Variants in XKR4 observed in about 807,000 individuals in gnomAD.
The protein encoded by XKR4 is XK related 4.
In XKR4, 12 loss-of-function variants were observed where a neutral mutation model predicts 53.9. The observed-to-expected ratio is 0.22, with a 90% CI of 0.14 to 0.36. XKR4 has a LOEUF of 0.36. Ranked by LOEUF, XKR4 falls within the 10% of genes least tolerant of loss-of-function variation. The probability of loss-of-function intolerance (pLI) is 1.00; values close to 1 mark genes in which losing one functional copy is unlikely to be tolerated. For missense variants in XKR4, 799 were observed against 859.5 expected, an observed-to-expected ratio of 0.93 and a Z score of 0.88; for synonymous variants, 354 against 362.4, an observed-to-expected ratio of 0.98 and a Z score of 0.26.
chr8:55,454,376 A>G, intron 2 of XKR4: 1 of 1,494,790 alleles, frequency 6.7e-7, no homozygotes, highest in Non-Finnish European at 9.3e-7. Context: ...CACATAGGTG[A>G]AGCTGTATCT....
At chr8:55,149,485 A>G (rs552212592) in intron 1 of XKR4, among the ~76,000 whole-genome samples, 1 of 152,324 alleles carries the variant, frequency 6.6e-6, no homozygotes, top group Non-Finnish European at 1.5e-5. Context: ...GTGGGCCTGG[A>G]TGGGGTGGTG....
Position 55,541,011 on chromosome 8 carries a change from T to C in XKR4, c.*16784T>C, listed in dbSNP as rs905330387. The C allele has an allele frequency of 2.0e-5, 3 of 152,200 alleles. No individual in the cohort carries two copies. Among genetic ancestry groups the C allele is most frequent in the South Asian group, 2.1e-4 (1 of 4,830 alleles). 9.4% of individuals were successfully genotyped at this position (152,200 alleles called of 1,614,324 possible). Reference sequence around the variant, plus strand: ...AAACATCGTGCTTAGCATGAAACCATTGCACAATATAAACCTGCTCCCAAA... The same window carrying C: ...AAACATCGTGCTTAGCATGAAACCACTGCACAATATAAACCTGCTCCCAAA... On this transcript the variant is annotated 3_prime_UTR_variant, in exon 3 of 3. Transcript: ENST00000327381.
intron 1 of XKR4, among the ~76,000 whole-genome samples, chr8:55,319,518 C>A (rs1194720820): frequency 6.6e-6 from 1 of 152,072 alleles, no homozygotes; most frequent in Non-Finnish European, 1.5e-5. Context: ...AAAAATGAAG[C>A]AGTTATTTTC....
chr8:55,399,405 G>C (rs142439500), intron 2 of XKR4, among the ~76,000 whole-genome samples: 164 of 152,328 alleles, frequency 1.1e-3, no homozygotes, highest in East Asian at 0.01. Context: ...AGGTTTGTGA[G>C]CTAACTTCTT....
intron 2 of XKR4, among the ~76,000 whole-genome samples, chr8:55,409,006 CAAAAAAA>C (rs36030680): frequency 1.5e-5 from 1 of 65,732 alleles, no homozygotes; most frequent in Non-Finnish European, 3.7e-5. Flanking sequence ...GACTCCGTCT[CAAAAAAA>C]AAAAAAAAAA....
intron 1 of XKR4, among the ~76,000 whole-genome samples, chr8:55,182,302 CACACTTTGGGTGCATTTCTTTTATGGATT>C (rs1191920123): frequency 2.6e-5 from 4 of 151,972 alleles, no homozygotes; most frequent in Non-Finnish European, 5.9e-5. Flanking sequence ...TTTTATGGAT[CACACTTTGGGTGCATTTCTTTTATGGATT>C]ACACTTTGGT....
chr8:55,504,922 A>T (rs547519460), intron 2 of XKR4, among the ~76,000 whole-genome samples: 1 of 152,136 alleles, frequency 6.6e-6, no homozygotes, highest in Non-Finnish European at 1.5e-5. Flanking sequence ...TTTGCTACTG[A>T]TTTTAATAAT....
intron 1 of XKR4, among the ~76,000 whole-genome samples, chr8:55,189,625 C>T (rs1405157554): frequency 6.6e-6 from 1 of 152,184 alleles, no homozygotes; most frequent in Non-Finnish European, 1.5e-5. Context: ...ATCACAATGG[C>T]TAGACTGTCA....
chr8:55,451,032 G>A lies in XKR4; in HGVS notation c.1007-72249G>A, dbSNP rs568807119. 1.2e-3 allele frequency: 643 copies of A among 552,012 alleles called. 5 individuals carry two copies. Among genetic ancestry groups the A allele is most frequent in the African/African-American group, 0.011 (566 of 53,188 alleles). The allele number at this position is 552,012 out of a possible 1,614,324, so 34.2% of individuals were successfully genotyped here. On this transcript the variant is annotated intron_variant, in intron 2 of 2. Transcript: ENST00000327381. ...TTTGAAGCTAGCCTTCACCTGCCGC[G>A]CCTGGAATACCTTAATGGGCACCAG...
Position 55,511,855 on chromosome 8 carries a change from A to G in XKR4, c.1007-11426A>G, listed in dbSNP as rs554503974. Reference sequence around the variant, plus strand: ...ATTTATTCTGTAGCTCGTACCTTTTATTGTATTCTTTCTCTGTCATGCTAT... The same window carrying G: ...ATTTATTCTGTAGCTCGTACCTTTTGTTGTATTCTTTCTCTGTCATGCTAT... On this transcript the variant is annotated intron_variant, in intron 2 of 2. Coordinates refer to ENST00000327381, the MANE Select transcript of XKR4 (RefSeq NM_052898.2). Among the ~76,000 whole-genome samples, 23 of 152,192 alleles carry G rather than the reference A, an allele frequency of 1.5e-4. No individual in the cohort carries two copies. In the East Asian group the frequency reaches 4.3e-3, roughly 28 times the overall value.
intron 2 of XKR4, among the ~76,000 whole-genome samples, chr8:55,425,238 C>A (rs1423582397): frequency 6.6e-6 from 1 of 152,152 alleles, no homozygotes; most frequent in Non-Finnish European, 1.5e-5. Flanking sequence ...AACTAAGATT[C>A]CAGCCTAGAG....
rs1003438569 is a variant in XKR4, at chr8:55,537,129, G to A, written c.*12902G>A. On this transcript the variant is annotated 3_prime_UTR_variant, in exon 3 of 3. Coordinates refer to ENST00000327381, the MANE Select transcript of XKR4 (RefSeq NM_052898.2). ...AACAAAATACCATACATAGTTTTTT[G>A]GGTTTGGTTTGTTGATGTCATGCCA... The A allele has an allele frequency of 6.6e-6, 1 of 152,052 alleles. No homozygotes were observed. Among genetic ancestry groups the A allele is most frequent in the Non-Finnish European group, 1.5e-5 (1 of 68,006 alleles). The allele number at this position is 152,052 out of a possible 1,614,324, so 9.4% of individuals were successfully genotyped here. A position where few individuals can be genotyped will look rare whatever the true frequency, so the allele number is the denominator to read the frequency against.
At position 55,539,365 on chromosome 8, in the gene XKR4, G is replaced by A. The variant is rs1430918756; in HGVS notation, c.*15138G>A. On this transcript the variant is annotated 3_prime_UTR_variant, in exon 3 of 3. Transcript: ENST00000327381. ...GTGCACACTCTTAAAAACACAAAAT[G>A]GGTTTCAGAAAGTTTACCTTGAGAA... The A allele has an allele frequency of 1.3e-5, 2 of 152,106 alleles. No individual in the cohort carries two copies. The highest frequency in any genetic ancestry group is 2.9e-5 in the Non-Finnish European group (2 of 68,010). The allele number at this position is 152,106 out of a possible 1,614,324, so 9.4% of individuals were successfully genotyped here.
chr8:55,280,790 A>G (rs1158580498), intron 1 of XKR4, among the ~76,000 whole-genome samples: 5 of 152,358 alleles, frequency 3.3e-5, no homozygotes, highest in East Asian at 1.9e-4. Context: ...ACTGAAATCA[A>G]TAAGAGTTTA....
At chr8:55,276,437 G>T (rs1302965537) in intron 1 of XKR4, among the ~76,000 whole-genome samples, 2 of 152,190 alleles carry the variant, frequency 1.3e-5, no homozygotes, top group Non-Finnish European at 2.9e-5. Context: ...CAACAATAGC[G>T]ATAACCACTG....
At chr8:55,122,478 T>C (rs1816405170) in intron 1 of XKR4, among the ~76,000 whole-genome samples, 1 of 152,196 alleles carries the variant, frequency 6.6e-6, no homozygotes, top group African/African-American at 2.4e-5. Context: ...CAGTATTCTA[T>C]CTGGTTGACG....
intron 2 of XKR4, among the ~76,000 whole-genome samples, chr8:55,435,661 C>T (rs549914470): frequency 6.9e-4 from 104 of 150,538 alleles, no homozygotes; most frequent in African/African-American, 2.4e-3. Context: ...CCTCAACCTC[C>T]CGGGCTCAAG....
chr8:55,336,041 C>CAAAAAA (rs34885296), intron 1 of XKR4, among the ~76,000 whole-genome samples: 154 of 112,752 alleles, frequency 1.4e-3, no homozygotes, highest in Non-Finnish European at 1.8e-3. Context: ...AACTCTATAC[C>CAAAAAA]AAAAAAAAAA....
chr8:55,251,296 C>T (rs1410419161), intron 1 of XKR4, among the ~76,000 whole-genome samples: 1 of 152,198 alleles, frequency 6.6e-6, no homozygotes, highest in African/African-American at 2.4e-5. Flanking sequence ...CAGGTGTCAT[C>T]CAGAACTATG....
Sources: allele counts gnomAD v4.1 joint callset (sites outside exome capture counted in the v4.1 genomes callset), GRCh38; gene constraint gnomAD v4.1.1; transcripts MANE v1.5; gene names NCBI Gene and HGNC (gene_info 2026-07-23, HGNC 2026-07-21).